KASH5: variants seen among roughly 807,000 people sequenced by gnomAD.
The protein encoded by KASH5 is KASH domain containing 5, also known as protein KASH5.
In KASH5, 72 loss-of-function variants were observed where a neutral mutation model predicts 84.2. That is an observed-to-expected ratio of 0.85 (90% CI 0.71 to 1.04). The LOEUF is 1.04. KASH5 is among the 50% of genes least tolerant of loss of function. The probability of loss-of-function intolerance (pLI) is 0.00; values close to 1 mark genes in which losing one functional copy is unlikely to be tolerated. For synonymous variants in KASH5, 260 were observed against 279.1 expected, an observed-to-expected ratio of 0.93 and a Z score of 0.68; for missense variants, 650 against 701.0, an observed-to-expected ratio of 0.93 and a Z score of 0.82.
chr19:49,417,283 C>G lies in KASH5; in HGVS notation c.1547+17C>G, dbSNP rs1193594207. The G allele has an allele frequency of 1.2e-6, 2 of 1,605,768 alleles. No individual in the cohort carries two copies. The highest frequency in any genetic ancestry group is 3.4e-5 in the Admixed American group (2 of 58,758). ...GCGGCTCAGGTGTGCCCCCAGGCGT[C>G]TCCAGAAGGAAGGAGGTGGTCTGAC... On this transcript the variant is annotated intron_variant, in intron 19 of 19. Coordinates refer to ENST00000447857, the MANE Select transcript of KASH5 (RefSeq NM_144688.5). The surrounding 1 kb of genome is among the most constrained non-coding windows in gnomAD (Gnocchi z 5.2).
In KASH5 at chr19:49,398,091, G is replaced by A. The variant is rs756942186; in HGVS notation, c.577G>A (p.Gly193Arg). The A allele has an allele frequency of 1.7e-5, 28 of 1,609,838 alleles. No homozygotes were observed. The highest frequency in any genetic ancestry group is 4.2e-6 in the Non-Finnish European group (5 of 1,176,710). ...LQRSMETAEE[G>R]SARLGEEILA... The stretch of plus-strand genomic sequence containing the variant: ...GCGGAGCATGGAGACAGCTGAGGAG[G>A]GGTCAGCACGCCTTGGGGAGGAGAT... The change falls in exon 7 of 20, where the codon GGG becomes AGG. Residue 193 changes from glycine to arginine, a missense_variant. Coordinates refer to ENST00000447857, the MANE Select transcript of KASH5 (RefSeq NM_144688.5).
In KASH5 at chr19:49,397,995, G is replaced by T; in HGVS notation, c.481G>T (p.Asp161Tyr). 1 of 1,613,872 alleles carries T rather than the reference G, an allele frequency of 6.2e-7. No homozygotes were observed. The highest frequency in any genetic ancestry group is 1.1e-5 in the South Asian group (1 of 91,036). ...CCTTGCCCCTAGACAAGCCACAGCT[G>T]ACCTGCTGAGCAGCCTGGAGGACCT... ...DPRPELQATA[D>Y]LLSSLEDLEL... The change falls in exon 7 of 20, where the codon GAC becomes TAC. Residue 161 changes from aspartate to tyrosine, a missense_variant. Asp to Tyr is a radical substitution (Grantham distance 160). Coordinates refer to ENST00000447857, the MANE Select transcript of KASH5 (RefSeq NM_144688.5).
chr19:49,406,481 T>C (rs1974529832), intron 9 of KASH5, among the ~76,000 whole-genome samples: 1 of 152,128 alleles, frequency 6.6e-6, no homozygotes. Flanking sequence ...AGTTCAAGTA[T>C]TTCTCCTGCC....
At position 49,412,952 on chromosome 19, in the gene KASH5, CT is replaced by C. The variant is rs1230992914; in HGVS notation, c.1270-11del. 1 of 1,613,492 alleles carries C rather than the reference CT, an allele frequency of 6.2e-7. No homozygotes were observed. Among genetic ancestry groups the C allele is most frequent in the Admixed American group, 1.7e-5 (1 of 60,004 alleles). On this transcript the variant is annotated splice_polypyrimidine_tract_variant and intron_variant, in intron 15 of 19. Transcript: ENST00000447857. The surrounding 1 kb of genome is among the most constrained non-coding windows in gnomAD (Gnocchi z 4.6). ...TGAGAAGAATCAGAGAAGAACTAAC[CT>C]TTTTGTTTCCACAGAGAAACTTCCA... is the stretch of plus-strand genomic sequence containing the variant.
chr19:49,413,109 G>A, intron 16 of KASH5, 83 bp downstream of exon 16: 1 of 1,361,948 alleles, frequency 7.3e-7, no homozygotes, highest in Non-Finnish European at 1.0e-6. Flanking sequence ...TGTGCCCTGA[G>A]GGGATCGGCA....
intron 12 of KASH5, 71 bp from the exon 13 acceptor site, chr19:49,408,896 G>T (rs756948033): frequency 6.7e-7 from 1 of 1,491,236 alleles, no homozygotes; most frequent in South Asian, 1.2e-5. Context: ...CCCTGGAAGA[G>T]GAGCCCAGAG....
rs544691781 is a variant in KASH5 at position 49,405,730 on chromosome 19, G to T, written c.799-1156G>T. Among the ~76,000 whole-genome samples the T allele has an allele frequency of 3.9e-5, 6 of 152,076 alleles. No homozygotes were observed. The East Asian group carries it at 1.2e-3, about 29-fold the overall frequency. On this transcript the variant is annotated intron_variant, in intron 9 of 19. Transcript: ENST00000447857. ...CCAGCACTTTGGGAGGTGGAGGCAG[G>T]TGGATCGCCTGAGGTCAGGAGTTCA...
At chr19:49,404,168 G>A (rs865797943) in intron 9 of KASH5, among the ~76,000 whole-genome samples, 5 of 152,186 alleles carry the variant, frequency 3.3e-5, no homozygotes, top group African/African-American at 1.2e-4. Flanking sequence ...TGAGACAGAG[G>A]GAGAGCAGCT....
intron 9 of KASH5, among the ~76,000 whole-genome samples, chr19:49,406,239 T>C (rs1235653363): frequency 1.3e-5 from 2 of 152,090 alleles, no homozygotes; most frequent in African/African-American, 4.8e-5. Flanking sequence ...ACAGGCTGCT[T>C]ATATTGTTCT....
intron 9 of KASH5, among the ~76,000 whole-genome samples, chr19:49,404,052 G>A (rs368850536): frequency 6.6e-6 from 1 of 152,244 alleles, no homozygotes; most frequent in South Asian, 2.1e-4. Context: ...GTTCCCTGCC[G>A]AGTGGCCCAG....
At chr19:49,408,743 T>C (rs1389627625) in intron 12 of KASH5, among the ~76,000 whole-genome samples, 1 of 152,228 alleles carries the variant, frequency 6.6e-6, no homozygotes. Context: ...CCACTGCGCC[T>C]GGCCTCTTGG....
intron 7 of KASH5, 123 bp from the exon 8 acceptor site, chr19:49,398,902 G>A: frequency 1.4e-6 from 1 of 729,210 alleles, no homozygotes; most frequent in South Asian, 1.8e-5. Flanking sequence ...CTCTCTCTGG[G>A]TCTCTGTCCC....
chr19:49,400,429 G>A (rs1287722787), intron 9 of KASH5, among the ~76,000 whole-genome samples: 4 of 146,556 alleles, frequency 2.7e-5, no homozygotes, highest in African/African-American at 5.1e-5. Context: ...GGAATGGCGC[G>A]ATCTTACCTC....
intron 12 of KASH5, among the ~76,000 whole-genome samples, chr19:49,408,738 G>A (rs1200706836): frequency 6.6e-6 from 1 of 152,220 alleles, no homozygotes; most frequent in Non-Finnish European, 1.5e-5. Flanking sequence ...ATGAGCCACT[G>A]CGCCTGGCCT....
At position 49,417,518 on chromosome 19, in the gene KASH5, T is replaced by C; in HGVS notation, c.*8T>C. 3.3e-6 allele frequency: 5 copies of C among 1,526,732 alleles called. No homozygotes were observed. Among genetic ancestry groups the C allele is most frequent in the Non-Finnish European group, 3.5e-6 (4 of 1,133,276 alleles). The allele number at this position is 1,526,732 out of a possible 1,614,324, so 94.6% of individuals were successfully genotyped here. On this transcript the variant is annotated 3_prime_UTR_variant, in exon 20 of 20. Coordinates refer to ENST00000447857, the MANE Select transcript of KASH5 (RefSeq NM_144688.5). This position sits in a 1 kb window ranked among gnomAD's most constrained non-coding sequence, Gnocchi z 5.2. ...CAGCCCCCTCCAGTGTGAGAGGCTCTACTTGCCCCTCAGAGCAGTGTCTAG... is the reference window on the plus strand; with the variant it reads ...CAGCCCCCTCCAGTGTGAGAGGCTCCACTTGCCCCTCAGAGCAGTGTCTAG...
rs1006637131 is a variant in KASH5 at position 49,416,740 on chromosome 19, A to G, written c.1375-275A>G. On this transcript the variant is annotated intron_variant, in intron 17 of 19. Coordinates refer to ENST00000447857, the MANE Select transcript of KASH5 (RefSeq NM_144688.5). The surrounding 1 kb of genome is among the most constrained non-coding windows in gnomAD (Gnocchi z 5.4). Reference sequence around the variant, plus strand: ...CTATTGCCCCCGCCTTTTTTTTCCTACATTCACTCATTTAGTCTCCATGTT... The same window carrying G: ...CTATTGCCCCCGCCTTTTTTTTCCTGCATTCACTCATTTAGTCTCCATGTT... 6.6e-6 allele frequency among the ~76,000 whole-genome samples: 1 copy of G among 151,988 alleles called. No individual in the cohort carries two copies. Among genetic ancestry groups the G allele is most frequent in the Non-Finnish European group, 1.5e-5 (1 of 67,990 alleles).
chr19:49,394,355 C>A, intron 2 of KASH5, 121 bp from the exon 3 acceptor site: 1 of 699,116 alleles, frequency 1.4e-6, no homozygotes, highest in Non-Finnish European at 2.5e-6. Flanking sequence ...CCCGCCCGAA[C>A]TCTCAGTGCT....
At chr19:49,394,890 T>C (rs8112840) in intron 3 of KASH5, 7,278 of 588,812 alleles carry the variant, frequency 0.012, 380 homozygotes, top group African/African-American at 0.12. Flanking sequence ...CCATCCCCTT[T>C]GGTTTACCCT....
At chr19:49,391,142 G>A (rs1973991820) in intron 2 of KASH5, among the ~76,000 whole-genome samples, 1 of 152,104 alleles carries the variant, frequency 6.6e-6, no homozygotes, top group Non-Finnish European at 1.5e-5. Context: ...CTGTGGGGAG[G>A]CTGGACTGTG....
Sources: gnomAD v4.1 joint callset for allele counts (sites outside exome capture counted in the v4.1 genomes callset) on GRCh38, gnomAD v4.1.1 for gene constraint, Gnocchi (gnomAD v3.1) non-coding constraint, MANE v1.5 for transcripts, NCBI Gene and HGNC (gene_info 2026-07-23, HGNC 2026-07-21) for gene names.